ARVCF: variants seen among roughly 807,000 people sequenced by gnomAD.
ARVCF encodes the protein splicing regulator ARVCF.
Under a neutral mutation model 90.9 loss-of-function variants are expected in ARVCF, and 66 were observed. The ratio of observed to expected loss-of-function variants is 0.73; its 90% CI spans 0.60 to 0.89. ARVCF has a LOEUF of 0.89. Among genes scored for constraint, ARVCF ranks in the 40% least tolerant of loss-of-function variants. The pLI is 0.00. For missense variants in ARVCF, 1,469 were observed against 1,382.3 expected (o/e 1.06, Z -1.00); for synonymous variants, 653 against 603.4 (o/e 1.08, Z -1.21).
At chr22:19,992,503 T>C (rs1449492436) in intron 2 of ARVCF, among the ~76,000 whole-genome samples, 1 of 152,168 alleles carries the variant, frequency 6.6e-6, no homozygotes, top group Admixed American at 6.5e-5. Context: ...ACTAATGGAC[T>C]GAACCTAGTG....
intron 2 of ARVCF, 56 bp downstream of exon 2, chr22:20,010,399 C>T (rs1944783791): frequency 6.6e-6 from 1 of 152,348 alleles, no homozygotes; most frequent in Non-Finnish European, 1.5e-5. Context: ...CCCACCAGAA[C>T]ACTCTGCTGT....
Position 19,970,731 on chromosome 22 carries a change from C to A in ARVCF, c.*25G>T. ...CGATCCAAGCCCTAAGAACAAGAGG[C>A]TGGGCCTGGGCCCTGCAGAGGGAAA... On this transcript the variant is annotated 3_prime_UTR_variant, in exon 20 of 20. Coordinates refer to ENST00000263207, the MANE Select transcript of ARVCF (RefSeq NM_001670.3). 7.8e-7 allele frequency: 1 copy of A among 1,287,570 alleles called. No homozygotes were observed. The highest frequency in any genetic ancestry group is 1.2e-5 in the South Asian group (1 of 80,650). 79.8% of individuals were successfully genotyped at this position (1,287,570 alleles called of 1,614,324 possible). A position where few individuals can be genotyped will look rare whatever the true frequency, so the allele number is the denominator to read the frequency against.
downstream of ARVCF, chr22:19,967,802 T>C (rs922893061): frequency 8.9e-6 from 2 of 224,160 alleles, no homozygotes; most frequent in East Asian, 2.5e-4. Context: ...AAACACTTCC[T>C]CTCAAGGTTT....
chr22:19,970,333 C>T lies in ARVCF; in HGVS notation c.*423G>A. Reference sequence around the variant, plus strand: ...TTAGAAGTCCAAGTTCTTTCCCAGCCCCCTCCCTGCCTAGCTGCCTGCCCC... The same window carrying T: ...TTAGAAGTCCAAGTTCTTTCCCAGCTCCCTCCCTGCCTAGCTGCCTGCCCC... On this transcript the variant is annotated 3_prime_UTR_variant, in exon 20 of 20. Coordinates refer to ENST00000263207, the MANE Select transcript of ARVCF (RefSeq NM_001670.3). 1 of 998,568 alleles carries T rather than the reference C, an allele frequency of 1.0e-6. No homozygotes were observed. Among genetic ancestry groups the T allele is most frequent in the South Asian group, 4.2e-5 (1 of 23,736 alleles). 61.9% of individuals were successfully genotyped at this position (998,568 alleles called of 1,614,324 possible). A position where few individuals can be genotyped will look rare whatever the true frequency, so the allele number is the denominator to read the frequency against.
downstream of ARVCF, among the ~76,000 whole-genome samples, chr22:19,968,005 G>A (rs1362887867): frequency 1.3e-5 from 2 of 152,322 alleles, no homozygotes; most frequent in Admixed American, 1.3e-4. Flanking sequence ...GGTGAAGATG[G>A]GGGGTCTGCA....
intron 2 of ARVCF, among the ~76,000 whole-genome samples, chr22:19,998,769 G>A (rs1298138472): frequency 1.3e-5 from 2 of 152,230 alleles, no homozygotes; most frequent in East Asian, 3.9e-4. Context: ...TCCTCCGTGG[G>A]AGGGCAGGCA....
chr22:19,998,068 AG>A (rs1324435843), intron 2 of ARVCF, among the ~76,000 whole-genome samples: 1 of 152,206 alleles, frequency 6.6e-6, no homozygotes, highest in African/African-American at 2.4e-5. Context: ...CTGGGATCAG[AG>A]GCAGACAGCC....
intron 2 of ARVCF, among the ~76,000 whole-genome samples, chr22:19,992,943 G>C (rs1944083454): frequency 6.6e-6 from 1 of 152,194 alleles, no homozygotes; most frequent in South Asian, 2.1e-4. Flanking sequence ...GGCCACAGTG[G>C]GAAGGTGACC....
At chr22:20,008,704 A>G (rs1296740876) in intron 2 of ARVCF, among the ~76,000 whole-genome samples, 1 of 152,212 alleles carries the variant, frequency 6.6e-6, no homozygotes, top group Non-Finnish European at 1.5e-5. Flanking sequence ...CAGAGCAGGC[A>G]GCCGCAAGCC....
rs1237743850 is a variant in ARVCF, at chr22:19,979,543, C to T, written c.1396+200G>A. 5 of 818,562 alleles carry T rather than the reference C, an allele frequency of 6.1e-6. No individual in the cohort carries two copies. In the South Asian group the frequency reaches 7.6e-5, roughly 12 times the overall value. The allele number at this position is 818,562 out of a possible 1,614,324, so 50.7% of individuals were successfully genotyped here. A position where few individuals can be genotyped will look rare whatever the true frequency, so the allele number is the denominator to read the frequency against. On this transcript the variant is annotated intron_variant, in intron 6 of 19. Transcript: ENST00000263207. ...CCCGAGGGGCGCAGCGTCAGCCTCC[C>T]TGCTATGGTAGAGACTGGGGAACCT...
chr22:19,984,181 A>T (rs900371375), intron 3 of ARVCF, among the ~76,000 whole-genome samples: 2 of 152,138 alleles, frequency 1.3e-5, no homozygotes, highest in Non-Finnish European at 2.9e-5. Flanking sequence ...ATATATTTAC[A>T]TCTATTAAAA....
At position 19,973,633 on chromosome 22, in the gene ARVCF, G is replaced by C. The variant is rs1226505776; in HGVS notation, c.2239+10C>G. The C allele has an allele frequency of 2.5e-6, 4 of 1,600,004 alleles. No individual in the cohort carries two copies. The highest frequency in any genetic ancestry group is 3.4e-6 in the Non-Finnish European group (4 of 1,172,662). On this transcript the variant is annotated intron_variant, in intron 13 of 19. Coordinates refer to ENST00000263207, the MANE Select transcript of ARVCF (RefSeq NM_001670.3). ...CGGTGCCCAGGCGTGGGCTTTGCAG[G>C]CGTCCTCACCGATGAGGTCTTTGTT...
chr22:19,967,008 G>A, downstream of ARVCF: 1 of 985,450 alleles, frequency 1.0e-6, no homozygotes, highest in East Asian at 1.1e-4. Flanking sequence ...TGAGTAGCTG[G>A]TAGGAGGCTT....
In ARVCF at chr22:19,980,048, A is replaced by G; in HGVS notation, c.1091T>C (p.Leu364Pro). 6.3e-7 allele frequency: 1 copy of G among 1,585,198 alleles called. No individual in the cohort carries two copies. Among genetic ancestry groups the G allele is most frequent in the Non-Finnish European group, 8.6e-7 (1 of 1,164,618 alleles). The change falls in exon 6 of 20, where the codon CTG becomes CCG. Residue 364 changes from leucine to proline, a missense_variant. Leu to Pro is a moderately conservative substitution (Grantham distance 98). Transcript: ENST00000263207. ...RWRDPELPEV[L>P]AMLRHPVDPV... ...GTCCACGGGGTGCCGCAGCATGGCC[A>G]GCACCTCAGGCAGCTCAGGGTCCCG...
intron 19 of ARVCF, 127 bp downstream of exon 19, chr22:19,971,089 G>A (rs72554701): frequency 0.032 from 46,821 of 1,478,244 alleles, 1,006 homozygotes; most frequent in South Asian, 0.088. Flanking sequence ...TGGGCTGCTG[G>A]ACTGGAGGCC....
chr22:19,977,612 G>A, intron 8 of ARVCF, 26 bp from the exon 9 acceptor site: 2 of 1,503,824 alleles, frequency 1.3e-6, no homozygotes, highest in South Asian at 1.3e-5. Context: ...AGTGGGTGGG[G>A]CAGGGCACCC....
In ARVCF at chr22:19,969,990, G is replaced by C. The variant is rs947879699; in HGVS notation, c.*766C>G. 5.1e-6 allele frequency: 5 copies of C among 985,536 alleles called. No individual in the cohort carries two copies. The African/African-American group carries it at 8.7e-5, about 17-fold the overall frequency. 61.0% of individuals were successfully genotyped at this position (985,536 alleles called of 1,614,324 possible). On this transcript the variant is annotated 3_prime_UTR_variant, in exon 20 of 20. Coordinates refer to ENST00000263207, the MANE Select transcript of ARVCF (RefSeq NM_001670.3). ...CTTATTTTTAATGCTTTTTCTCAGT[G>C]TTTTTCTTCTGTTTCTGAGTCACGA...
chr22:20,006,394 G>A (rs990078412), intron 2 of ARVCF, among the ~76,000 whole-genome samples: 1 of 151,850 alleles, frequency 6.6e-6, no homozygotes, highest in Non-Finnish European at 1.5e-5. Context: ...TGGCTAACAT[G>A]GTGAAACCCC....
intron 9 of ARVCF, 83 bp downstream of exon 9, chr22:19,977,332 G>A (rs1943211588): frequency 6.3e-6 from 9 of 1,438,972 alleles, no homozygotes; most frequent in Middle Eastern, 1.9e-4. Context: ...CCTCCATGAT[G>A]GGCTGCTGTG....
Sources: allele counts gnomAD v4.1 joint callset (sites outside exome capture counted in the v4.1 genomes callset), GRCh38; gene constraint gnomAD v4.1.1; transcripts MANE v1.5; gene names NCBI Gene and HGNC (gene_info 2026-07-23, HGNC 2026-07-21).